The following PIK3C2A variants were observed in gnomAD, a reference collection of about 807,000 sequenced individuals.
PIK3C2A encodes phosphatidylinositol 4-phosphate 3-kinase C2 domain-containing subunit alpha.
Under a neutral mutation model 204.5 loss-of-function variants are expected in PIK3C2A, and 97 were observed. The observed-to-expected ratio is 0.47, with a 90% CI of 0.40 to 0.56. The LOEUF (loss-of-function observed/expected upper bound fraction) is 0.56, where lower values mean the gene tolerates loss of function less well. PIK3C2A is among the 20% of genes least tolerant of loss of function. The probability of loss-of-function intolerance (pLI) is 0.00; values close to 1 mark genes in which losing one functional copy is unlikely to be tolerated. For missense variants in PIK3C2A, 1,735 were observed against 1,969.2 expected, an observed-to-expected ratio of 0.88 and a Z score of 2.25; for synonymous variants, 653 against 664.4, an observed-to-expected ratio of 0.98 and a Z score of 0.26.
intron 8 of PIK3C2A, chr11:17,138,140 G>A (rs1012053698): frequency 7.7e-6 from 6 of 776,896 alleles, no homozygotes; most frequent in Non-Finnish European, 1.3e-5. Context: ...ATCTCATAAG[G>A]GCTTTAGGTC....
rs1183902627 is a variant in PIK3C2A, at chr11:17,112,240, T to G, written c.3414+334A>C. ...GCCGAGGTGGGTGGATCACCTGAGG[T>G]CAGGAGTTCAAGACCAGCCTGGCCA... On this transcript the variant is annotated intron_variant, in intron 21 of 32. Coordinates refer to ENST00000691414, the MANE Select transcript of PIK3C2A (RefSeq NM_002645.4). 2.0e-5 allele frequency among the ~76,000 whole-genome samples: 3 copies of G among 152,032 alleles called. No individual in the cohort carries two copies. In the East Asian group the frequency reaches 5.8e-4, roughly 29 times the overall value.
intron 1 of PIK3C2A, chr11:17,193,489 A>G (rs1171279078): frequency 1.3e-5 from 6 of 449,756 alleles, no homozygotes; most frequent in South Asian, 4.7e-5. Context: ...GGGTGCAGAC[A>G]TGGCCAAGTC....
chr11:17,172,927 C>G (rs1020678314), intron 1 of PIK3C2A, among the ~76,000 whole-genome samples: 1 of 152,152 alleles, frequency 6.6e-6, no homozygotes, highest in African/African-American at 2.4e-5. Context: ...CGTTTAGATT[C>G]CAGTAGCTTC....
intron 8 of PIK3C2A, chr11:17,138,325 C>CT (rs61085828): frequency 7.0e-3 from 2,436 of 350,112 alleles, no homozygotes; most frequent in East Asian, 0.019. Flanking sequence ...AGCCAGCTTC[C>CT]TTTTTTTTTT....
At chr11:17,153,156 G>A (rs1242981245) in intron 3 of PIK3C2A, among the ~76,000 whole-genome samples, 2 of 152,162 alleles carry the variant, frequency 1.3e-5, no homozygotes, top group Non-Finnish European at 2.9e-5. Context: ...TCTCGACCGG[G>A]TGTGGTGGCT....
intron 27 of PIK3C2A, among the ~76,000 whole-genome samples, chr11:17,094,696 G>A (rs1408648519): frequency 6.6e-6 from 1 of 152,088 alleles, no homozygotes; most frequent in Non-Finnish European, 1.5e-5. Context: ...ACTCCAGCCT[G>A]GGCAACAGAG....
chr11:17,163,885 T>C (rs1299253947), intron 2 of PIK3C2A, among the ~76,000 whole-genome samples: 2 of 147,940 alleles, frequency 1.4e-5, no homozygotes, highest in African/African-American at 5.0e-5. Flanking sequence ...GGTTTGAAAA[T>C]GTATGTCCAA....
intron 6 of PIK3C2A, among the ~76,000 whole-genome samples, chr11:17,146,290 A>C (rs920315346): frequency 6.6e-6 from 1 of 152,224 alleles, no homozygotes; most frequent in Non-Finnish European, 1.5e-5. Context: ...ATGGGGTAGA[A>C]AACAGATGGA....
chr11:17,173,771 AG>A (rs953699126), intron 1 of PIK3C2A, among the ~76,000 whole-genome samples: 1 of 152,206 alleles, frequency 6.6e-6, no homozygotes, highest in Non-Finnish European at 1.5e-5. Context: ...TTAATGAATA[AG>A]AAACTTAATT....
chr11:17,173,220 T>C (rs761257079), intron 1 of PIK3C2A, among the ~76,000 whole-genome samples: 2 of 152,214 alleles, frequency 1.3e-5, no homozygotes, highest in Non-Finnish European at 2.9e-5. Flanking sequence ...ACGGCTTCCA[T>C]TTTGGAGACT....
intron 1 of PIK3C2A, among the ~76,000 whole-genome samples, chr11:17,176,100 T>C (rs1207982847): frequency 1.3e-5 from 2 of 151,712 alleles, no homozygotes; most frequent in Non-Finnish European, 2.9e-5. Flanking sequence ...GCCTCCCGGA[T>C]TCAGGGAATT....
chr11:17,155,594 TC>T lies in PIK3C2A; in HGVS notation c.1100del (p.Gly367GlufsTer25). ...CTTCAACTTCTTGAAGAAGAGAACTTCCAGTTGGCAAACTACTGGTCCCATT... is the reference window on the plus strand; with the variant it reads ...CTTCAACTTCTTGAAGAAGAGAACTTCAGTTGGCAAACTACTGGTCCCATT... ...DPNGTSSLPT[G>X]SSLLQEVEVQ... On this transcript the variant is annotated frameshift_variant, in exon 3 of 33. Coordinates refer to ENST00000691414, the MANE Select transcript of PIK3C2A (RefSeq NM_002645.4). LOFTEE classifies it high-confidence loss of function. 6.2e-7 allele frequency: 1 copy of T among 1,608,844 alleles called. No homozygotes were observed. The highest frequency in any genetic ancestry group is 8.5e-7 in the Non-Finnish European group (1 of 1,175,998).
At chr11:17,119,590 T>C (rs775996499) in intron 16 of PIK3C2A, among the ~76,000 whole-genome samples, 196 bp downstream of exon 16, 1 of 152,158 alleles carries the variant, frequency 6.6e-6, no homozygotes, top group Non-Finnish European at 1.5e-5. Context: ...AACCCTTCCT[T>C]TAGGCTAGTT....
In PIK3C2A at chr11:17,193,916, A is replaced by C. The variant is rs535422821; in HGVS notation, c.-66+13932T>G. On this transcript the variant is annotated intron_variant, in intron 1 of 32. Coordinates refer to ENST00000691414, the MANE Select transcript of PIK3C2A (RefSeq NM_002645.4). ...AGAAAAGAAAAGAAAAGAAAAGAAA[A>C]GAAACCCCGATCACAAAGATATGAC... 8.8e-5 allele frequency: 24 copies of C among 273,670 alleles called. 1 individual carries two copies. In the South Asian group the frequency reaches 1.5e-3, roughly 18 times the overall value. The allele number at this position is 273,670 out of a possible 1,614,324, so 17.0% of individuals were successfully genotyped here.
intron 1 of PIK3C2A, among the ~76,000 whole-genome samples, chr11:17,173,214 C>G (rs1380099910): frequency 2.0e-5 from 3 of 152,156 alleles, no homozygotes; most frequent in African/African-American, 7.2e-5. Context: ...GAACCTACGG[C>G]TTCCATTTTG....
At position 17,176,270 on chromosome 11, in the gene PIK3C2A, G is replaced by A. The variant is rs141941403; in HGVS notation, c.-65-6464C>T. Among the ~76,000 whole-genome samples, 538 of 151,834 alleles carry A rather than the reference G, an allele frequency of 3.5e-3. 18 individuals carry two copies. The South Asian group carries it at 0.069, about 19-fold the overall frequency. On this transcript the variant is annotated intron_variant, in intron 1 of 32. Transcript: ENST00000691414. ...GATCCACCCGCCTCAGCTTCCCAAA[G>A]TGCTGGGATTACAGGTGTGAGCCAC...
chr11:17,187,384 T>G (rs1285212244), intron 1 of PIK3C2A, among the ~76,000 whole-genome samples: 1 of 152,198 alleles, frequency 6.6e-6, no homozygotes, highest in African/African-American at 2.4e-5. Context: ...ATAGCTTTAT[T>G]GAGATATAAC....
intron 27 of PIK3C2A, 55 bp downstream of exon 27, chr11:17,097,001 GA>G (rs1242161805): frequency 3.8e-6 from 4 of 1,041,084 alleles, no homozygotes; most frequent in Non-Finnish European, 4.5e-6. Flanking sequence ...AAAGGAAGTA[GA>G]AAGGACAACA....
intron 21 of PIK3C2A, among the ~76,000 whole-genome samples, chr11:17,111,936 T>C (rs1414290023): frequency 6.6e-6 from 1 of 150,758 alleles, no homozygotes; most frequent in African/African-American, 2.4e-5. Context: ...CATAAAATTC[T>C]TGTATTCAAA....
Sources: gnomAD v4.1 joint callset for allele counts (sites outside exome capture counted in the v4.1 genomes callset) on GRCh38, gnomAD v4.1.1 for gene constraint, MANE v1.5 for transcripts, NCBI Gene and HGNC (gene_info 2026-07-23, HGNC 2026-07-21) for gene names.